The following ASAP3 variants were observed in gnomAD, a reference collection of about 807,000 sequenced individuals.
ASAP3 encodes the protein arf-GAP with SH3 domain, ANK repeat and PH domain-containing protein 3.
ASAP3 carries 85 observed loss-of-function variants against 118.2 expected under a neutral mutation model. That is an observed-to-expected ratio of 0.72 (90% CI 0.60 to 0.86). The LOEUF (loss-of-function observed/expected upper bound fraction) is 0.86, where lower values mean the gene tolerates loss of function less well. ASAP3 is among the 40% of genes least tolerant of loss of function. ASAP3 has a pLI of 0.00. For missense variants in ASAP3, 1,026 were observed against 1,175.0 expected (o/e 0.87, Z 1.85); for synonymous variants, 432 against 477.4 (o/e 0.90, Z 1.24).
chr1:23,433,058 T>C lies in ASAP3; in HGVS notation c.2323+19A>G. 1 of 1,612,854 alleles carries C rather than the reference T, an allele frequency of 6.2e-7. No homozygotes were observed. The highest frequency in any genetic ancestry group is 8.5e-7 in the Non-Finnish European group (1 of 1,179,688). On this transcript the variant is annotated intron_variant, in intron 22 of 24. Transcript: ENST00000336689. ...CTGTGAATGGCATGGTGAGCATTTA[T>C]CTGGGCATCCAACTGTACCTCCACT...
intron 1 of ASAP3, among the ~76,000 whole-genome samples, chr1:23,457,467 C>T (rs1041657371): frequency 7.9e-5 from 12 of 152,166 alleles, no homozygotes; most frequent in African/African-American, 2.7e-4. Context: ...GAAGGGGGGT[C>T]TAGTTACGAA....
At position 23,437,236 on chromosome 1, in the gene ASAP3, C is replaced by A; in HGVS notation, c.1236G>T (p.Trp412Cys). The A allele has an allele frequency of 6.3e-7, 1 of 1,592,642 alleles. No individual in the cohort carries two copies. Among genetic ancestry groups the A allele is most frequent in the Non-Finnish European group, 8.5e-7 (1 of 1,169,898 alleles). Reference sequence around the variant, plus strand: ...GCTCCCCATCATGGCCGGCGGACCCCCAGGACCCCGGGCCAGCGCTGGGCT... The same window carrying A: ...GCTCCCCATCATGGCCGGCGGACCCACAGGACCCCGGGCCAGCGCTGGGCT... ...LGEPSAGPGS[W>C]GSAGHDGEPH... Residue 412 changes from tryptophan to cysteine, a missense_variant, in exon 14 of 25, where the codon TGG becomes TGT. Trp to Cys is a radical substitution (Grantham distance 215). Coordinates refer to ENST00000336689, the MANE Select transcript of ASAP3 (RefSeq NM_017707.4). The surrounding 1 kb of genome is among the most constrained non-coding windows in gnomAD (Gnocchi z 6.1).
At chr1:23,448,870 T>C (rs1422466689) in intron 5 of ASAP3, among the ~76,000 whole-genome samples, 1 of 152,190 alleles carries the variant, frequency 6.6e-6, no homozygotes, top group Non-Finnish European at 1.5e-5. Flanking sequence ...AGATAAGTCA[T>C]TTGTCCAAGT....
chr1:23,452,111 C>T (rs1331999839), intron 4 of ASAP3, among the ~76,000 whole-genome samples: 1 of 152,206 alleles, frequency 6.6e-6, no homozygotes, highest in Non-Finnish European at 1.5e-5. Context: ...CCCCGAGACT[C>T]CCAAGGTGAA....
At chr1:23,455,829 A>C in intron 3 of ASAP3, 52 bp downstream of exon 3, 3 of 1,604,468 alleles carry the variant, frequency 1.9e-6, no homozygotes, top group Non-Finnish European at 2.6e-6. Context: ...TCAGGTTCTT[A>C]AGACCACTAG....
chr1:23,442,366 C>T (rs1640903618), intron 6 of ASAP3, 95 bp from the exon 7 acceptor site: 2 of 1,568,434 alleles, frequency 1.3e-6, no homozygotes, highest in Non-Finnish European at 1.7e-6. Flanking sequence ...ATCCTCCTGG[C>T]TGCGACTGGG....
In ASAP3 at chr1:23,442,552, C is replaced by T. The variant is rs1182106937; in HGVS notation, c.534G>A (p.Val178=). ...ARVTGGIPGE[V]AQDMQRERRI... is the part of the protein sequence containing the mutation. ...GCCGCTCTCTCTGCATGTCCTGGGC[C>T]ACCTCCCCAGGGATCCCTCCTGTCA... The change falls in exon 6 of 25, where the codon GTG becomes GTA. Residue 178 remains valine (V), a synonymous_variant. Transcript: ENST00000336689. 2 of 1,614,144 alleles carry T rather than the reference C, an allele frequency of 1.2e-6. No homozygotes were observed. Among genetic ancestry groups the T allele is most frequent in the South Asian group, 2.2e-5 (2 of 91,084 alleles).
chr1:23,447,269 TGCTTGTGTTC>T (rs1641076353), intron 5 of ASAP3, among the ~76,000 whole-genome samples: 2 of 152,184 alleles, frequency 1.3e-5, no homozygotes, highest in Non-Finnish European at 2.9e-5. Context: ...ACTATTGCAG[TGCTTGTGTTC>T]AAGTAACCCT....
chr1:23,482,278 T>G (rs920750836), intron 1 of ASAP3, among the ~76,000 whole-genome samples: 1 of 152,284 alleles, frequency 6.6e-6, no homozygotes, highest in Middle Eastern at 3.4e-3. Context: ...TCCTAGTACT[T>G]TGAGAGGCCA....
chr1:23,442,650 C>T (rs1021263081), intron 5 of ASAP3, 38 bp from the exon 6 acceptor site: 1 of 1,601,292 alleles, frequency 6.2e-7, no homozygotes, highest in African/African-American at 1.3e-5. Context: ...ACAAGTCTCA[C>T]CAGCCCCTAT....
chr1:23,434,495 G>C (rs1464004688), intron 18 of ASAP3, 38 bp downstream of exon 18: 4 of 1,607,232 alleles, frequency 2.5e-6, no homozygotes, highest in Non-Finnish European at 3.4e-6. Flanking sequence ...AGGAGAGGGA[G>C]TGTGAGGAGC....
chr1:23,482,976 G>A lies in ASAP3; in HGVS notation c.129+1029C>T, dbSNP rs540505466. Among the ~76,000 whole-genome samples the A allele has an allele frequency of 5.3e-5, 8 of 151,460 alleles. No individual in the cohort carries two copies. In the South Asian group the frequency reaches 1.7e-3, roughly 32 times the overall value. ...CAAAAAAAAAAAAGGAAAGAAAAAAGGTCTGCCTTCCCCAAAGTCGATGCT... is the reference window on the plus strand; with the variant it reads ...CAAAAAAAAAAAAGGAAAGAAAAAAAGTCTGCCTTCCCCAAAGTCGATGCT... On this transcript the variant is annotated intron_variant, in intron 1 of 24. Transcript: ENST00000336689.
At chr1:23,447,218 A>T (rs954115940) in intron 5 of ASAP3, among the ~76,000 whole-genome samples, 2 of 152,162 alleles carry the variant, frequency 1.3e-5, no homozygotes, top group African/African-American at 4.8e-5. Flanking sequence ...ACCTGCCATT[A>T]GTCATTCAGT....
In ASAP3 at chr1:23,456,168, C is replaced by A. The variant is rs752044046; in HGVS notation, c.156G>T (p.Leu52=). The change falls in exon 2 of 25, where the codon CTG becomes CTT. Residue 52 remains leucine, a synonymous_variant. Coordinates refer to ENST00000336689, the MANE Select transcript of ASAP3 (RefSeq NM_017707.4). Reference sequence around the variant, plus strand: ...CCCGCACAGCCTTCTTTATTCTCTGCAGGATGGCTTGGTCTCCTTCCAAGA... The same window carrying A: ...CCCGCACAGCCTTCTTTATTCTCTGAAGGATGGCTTGGTCTCCTTCCAAGA... ...EEILEGDQAI[L]QRIKKAVRAI... is the part of the protein sequence containing the mutation. The A allele has an allele frequency of 6.8e-6, 11 of 1,614,158 alleles. No homozygotes were observed. In the South Asian group the frequency reaches 1.1e-4, roughly 16 times the overall value.
At chr1:23,464,263 T>G (rs1252410739) in intron 1 of ASAP3, among the ~76,000 whole-genome samples, 1 of 150,480 alleles carries the variant, frequency 6.6e-6, no homozygotes. Flanking sequence ...CTCGGCTCAC[T>G]GCAACCTCCA....
intron 5 of ASAP3, among the ~76,000 whole-genome samples, chr1:23,449,673 C>T (rs1641155444): frequency 6.6e-6 from 1 of 152,156 alleles, no homozygotes; most frequent in Non-Finnish European, 1.5e-5. Flanking sequence ...GCCAGGAGAC[C>T]ACATGGCAGA....
In ASAP3 at chr1:23,442,252, T is replaced by C. The variant is rs1384156799; in HGVS notation, c.605A>G (p.Glu202Gly). 2.1e-5 allele frequency: 33 copies of C among 1,605,704 alleles called. No homozygotes were observed. The highest frequency in any genetic ancestry group is 2.8e-5 in the Non-Finnish European group (33 of 1,176,750). The change falls in exon 7 of 25, where the codon GAG (glutamate) becomes GGG (glycine). Residue 202 changes from glutamate to glycine, a missense_variant. Coordinates refer to ENST00000336689, the MANE Select transcript of ASAP3 (RefSeq NM_017707.4). The stretch of plus-strand genomic sequence containing the variant: ...GTCAGGACCTTGCTTCATCTGGCTC[T>C]CCCCGGCTTTGAGCAGATACTAGGA... ...HMCEYLLKAGESQMKQGPDFL... is the reference protein window; with the variant it reads ...HMCEYLLKAGGSQMKQGPDFL...
upstream of ASAP3, chr1:23,484,260 C>T (rs1642437971): frequency 1.1e-6 from 1 of 950,044 alleles, no homozygotes; most frequent in Non-Finnish European, 1.3e-6. Flanking sequence ...CTCCGCACGC[C>T]CCGCCCCCGA....
In ASAP3 at chr1:23,434,357, A is replaced by G. The variant is rs1316527556; in HGVS notation, c.1848T>C (p.Asp616=). 1.9e-6 allele frequency: 3 copies of G among 1,614,186 alleles called. No homozygotes were observed. In the African/African-American group the frequency reaches 4.0e-5, roughly 22 times the overall value. Residue 616 remains aspartate, a synonymous_variant, in exon 19 of 25, where the codon GAT becomes GAC. Coordinates refer to ENST00000336689, the MANE Select transcript of ASAP3 (RefSeq NM_017707.4). ...CCGTGTTCCCGTCAGCAGCCTTGGC[A>G]TCCAGGTGACCACTGGGGAGAGGAG... ...DFIIQNGGHL[D]AKAADGNTAL...
Sources: gnomAD v4.1 joint callset for allele counts (sites outside exome capture counted in the v4.1 genomes callset) on GRCh38, gnomAD v4.1.1 for gene constraint, Gnocchi (gnomAD v3.1) non-coding constraint, MANE v1.5 for transcripts, NCBI Gene and HGNC (gene_info 2026-07-23, HGNC 2026-07-21) for gene names.